The following TARS2 variants were observed in gnomAD, a reference collection of about 807,000 sequenced individuals.
TARS2 encodes the protein threonine--tRNA ligase, mitochondrial.
A neutral mutation model predicts 94.4 loss-of-function variants in TARS2; 61 were observed. The ratio of observed to expected loss-of-function variants is 0.65; its 90% CI spans 0.53 to 0.80. The LOEUF is 0.80. Ranked by LOEUF, TARS2 falls within the 30% of genes least tolerant of loss-of-function variation. The probability of loss-of-function intolerance (pLI) is 0.00; values close to 1 mark genes in which losing one functional copy is unlikely to be tolerated. For synonymous variants in TARS2, 359 were observed against 353.4 expected (o/e 1.02, Z -0.18); for missense variants, 704 against 902.5 (o/e 0.78, Z 2.82).
chr1:150,501,267 G>C (rs980669374), intron 13 of TARS2, among the ~76,000 whole-genome samples: 2 of 147,376 alleles, frequency 1.4e-5, no homozygotes, highest in East Asian at 3.9e-4. Flanking sequence ...ATAGTAACAG[G>C]GCATCATAAT....
Position 150,497,547 on chromosome 1 carries a change from T to C in TARS2, c.1038T>C (p.Arg346=). Residue 346 remains arginine (R), a synonymous_variant, in exon 10 of 18, where the codon CGT becomes CGC. Transcript: ENST00000369064. ...VAFIRAEYAH[R]GFSEVKTPTL... ...CTCTCCAGGCTGAGTATGCCCATCG[T>C]GGTTTCTCCGAGGTGAAAACTCCCA... The C allele has an allele frequency of 6.2e-7, 1 of 1,614,118 alleles. No individual in the cohort carries two copies. Among genetic ancestry groups the C allele is most frequent in the Non-Finnish European group, 8.5e-7 (1 of 1,180,020 alleles).
intron 14 of TARS2, 21 bp from the exon 15 acceptor site, chr1:150,504,611 C>T (rs745981486): frequency 7.5e-6 from 12 of 1,609,054 alleles, no homozygotes; most frequent in African/African-American, 1.3e-5. Context: ...TTCCATCCAC[C>T]CCCCCCTTTT....
intron 9 of TARS2, 151 bp from the exon 10 acceptor site, chr1:150,497,379 C>T: frequency 1.5e-6 from 1 of 657,672 alleles, no homozygotes; most frequent in South Asian, 1.9e-5. Context: ...GTGTGGTCTG[C>T]AGTCGGGGAG....
chr1:150,503,633 GTGTGTGTATATA>G (rs200224131), intron 13 of TARS2, among the ~76,000 whole-genome samples: 17,797 of 88,404 alleles, frequency 0.2, 1,766 homozygotes, highest in South Asian at 0.45. Flanking sequence ...GTGTATATAT[GTGTGTGTATATA>G]TGTGTGTATA....
rs781707849 is a variant in TARS2 at position 150,504,742 on chromosome 1, T to C, written c.1820+9T>C. 18 of 1,614,000 alleles carry C rather than the reference T, an allele frequency of 1.1e-5. No individual in the cohort carries two copies. The highest frequency in any genetic ancestry group is 1.7e-5 in the Admixed American group (1 of 59,992). ...AGCTGCGGGGGGAAATGGTGAGACC[T>C]CTGACCTGGATTTCTGTTCTGGCCC... On this transcript the variant is annotated intron_variant, in intron 15 of 17. Coordinates refer to ENST00000369064, the MANE Select transcript of TARS2 (RefSeq NM_025150.5).
In TARS2 at chr1:150,488,156, G is replaced by A. The variant is rs1189268892; in HGVS notation, c.263+102G>A. ...AACTTGGTCTGCTTGTTTCTGTTCC[G>A]TCCCCATTAAGATAGCCTTTCCTGA... On this transcript the variant is annotated intron_variant, in intron 2 of 17. Coordinates refer to ENST00000369064, the MANE Select transcript of TARS2 (RefSeq NM_025150.5). 1.3e-5 allele frequency: 18 copies of A among 1,343,372 alleles called. 1 individual carries two copies. Among genetic ancestry groups the A allele is most frequent in the South Asian group, 2.8e-5 (2 of 70,966 alleles). 83.2% of individuals were successfully genotyped at this position (1,343,372 alleles called of 1,614,324 possible). A position where few individuals can be genotyped will look rare whatever the true frequency, so the allele number is the denominator to read the frequency against.
intron 13 of TARS2, among the ~76,000 whole-genome samples, chr1:150,501,226 A>G (rs1290707436): frequency 6.7e-6 from 1 of 149,566 alleles, no homozygotes; most frequent in African/African-American, 2.5e-5. Context: ...TGATCACTTG[A>G]ATCCAGGAGT....
intron 13 of TARS2, among the ~76,000 whole-genome samples, chr1:150,500,034 G>T (rs950875427): frequency 6.6e-6 from 1 of 151,936 alleles, no homozygotes; most frequent in Non-Finnish European, 1.5e-5. Context: ...AATTAGCCGG[G>T]TGCAGTAGCT....
chr1:150,490,410 T>C (rs1669330825), intron 3 of TARS2, among the ~76,000 whole-genome samples, 191 bp from the exon 4 acceptor site: 1 of 152,146 alleles, frequency 6.6e-6, no homozygotes, highest in South Asian at 2.1e-4. Context: ...TGAGCTGCTG[T>C]GCCCAGCCTT....
At chr1:150,488,143 T>G in intron 2 of TARS2, 89 bp downstream of exon 2, 1 of 1,453,508 alleles carries the variant, frequency 6.9e-7, no homozygotes, top group Non-Finnish European at 9.3e-7. Context: ...CTTGGTCTGC[T>G]TGTTTCTGTT....
Position 150,497,628 on chromosome 1 carries a change from A to G in TARS2, c.1119A>G (p.Glu373=). Residue 373 remains glutamate (E), a synonymous_variant, in exon 10 of 18, where the codon GAA becomes GAG. Transcript: ENST00000369064. ...EQSGHWEHYQ[E]DMFAVQPPGS... Reference sequence around the variant, plus strand: ...CAGGGCACTGGGAGCATTATCAGGAAGACATGTTTGCCGTGCAGCCCCCAG... The same window carrying G: ...CAGGGCACTGGGAGCATTATCAGGAGGACATGTTTGCCGTGCAGCCCCCAG... 6.2e-7 allele frequency: 1 copy of G among 1,614,186 alleles called. No homozygotes were observed. Among genetic ancestry groups the G allele is most frequent in the Non-Finnish European group, 8.5e-7 (1 of 1,180,020 alleles).
intron 13 of TARS2, among the ~76,000 whole-genome samples, chr1:150,500,614 C>T (rs1034424661): frequency 1.5e-5 from 2 of 136,386 alleles, no homozygotes; most frequent in East Asian, 2.2e-4. Flanking sequence ...AGGCTGGGGG[C>T]GGTGGCTCAC....
intron 7 of TARS2, among the ~76,000 whole-genome samples, chr1:150,493,979 G>A (rs960211678): frequency 2.0e-5 from 3 of 151,776 alleles, no homozygotes; most frequent in South Asian, 2.1e-4. Flanking sequence ...CCCATGGCGC[G>A]GTGGCCTTGG....
chr1:150,504,259 G>T, intron 13 of TARS2, 76 bp from the exon 14 acceptor site: 1 of 1,427,242 alleles, frequency 7.0e-7, no homozygotes, highest in South Asian at 1.2e-5. Flanking sequence ...AGGGTGGGAT[G>T]GCACAGGTAA....
chr1:150,487,576 A>C, intron 1 of TARS2, 60 bp downstream of exon 1: 1 of 1,609,004 alleles, frequency 6.2e-7, no homozygotes, highest in South Asian at 1.1e-5. Context: ...CGAAGCCCCC[A>C]AATTTTTATG....
intron 13 of TARS2, among the ~76,000 whole-genome samples, chr1:150,504,100 A>G (rs1670087790): frequency 6.6e-6 from 1 of 152,060 alleles, no homozygotes; most frequent in Admixed American, 6.6e-5. Context: ...GGGTGTGGAC[A>G]TCAGGTAATA....
rs1366284305 is a variant in TARS2, at chr1:150,491,487, G to A, written c.606G>A (p.Arg202=). The change falls in exon 5 of 18, where the codon CGG becomes CGA. Residue 202 remains arginine, a synonymous_variant. Coordinates refer to ENST00000369064, the MANE Select transcript of TARS2 (RefSeq NM_025150.5). ...ARPFRRLEAS[R]DQLRQLFKDN... is the part of the protein sequence containing the mutation. ...CCTTCCGGAGGCTAGAGGCTTCACGGGATCAGCTTCGCCAGTTGTTCAAGG... is the reference window on the plus strand; with the variant it reads ...CCTTCCGGAGGCTAGAGGCTTCACGAGATCAGCTTCGCCAGTTGTTCAAGG... 1 of 1,614,056 alleles carries A rather than the reference G, an allele frequency of 6.2e-7. No individual in the cohort carries two copies. Among genetic ancestry groups the A allele is most frequent in the Non-Finnish European group, 8.5e-7 (1 of 1,180,038 alleles).
At chr1:150,503,585 A>G (rs12065540) in intron 13 of TARS2, among the ~76,000 whole-genome samples, 11,044 of 137,108 alleles carry the variant, frequency 0.081, 612 homozygotes, top group Non-Finnish European at 0.097. Context: ...GTGTATATAT[A>G]TGTGTGTGTG....
rs112650803 is a variant in TARS2 at position 150,507,375 on chromosome 1, C to T, written c.*311C>T. On this transcript the variant is annotated 3_prime_UTR_variant, in exon 18 of 18. Transcript: ENST00000369064. ...ATGAGGTCAGGAGATCAAGACCACC[C>T]TGGCTAACACGGTGAAACCCTGTCT... The T allele has an allele frequency of 3.5e-4, 77 of 219,054 alleles. No homozygotes were observed. Among genetic ancestry groups the T allele is most frequent in the Middle Eastern group, 1.9e-3 (1 of 520 alleles). 13.6% of individuals were successfully genotyped at this position (219,054 alleles called of 1,614,324 possible).
Sources: gnomAD v4.1 joint callset for allele counts (sites outside exome capture counted in the v4.1 genomes callset) on GRCh38, gnomAD v4.1.1 for gene constraint, MANE v1.5 for transcripts, NCBI Gene and HGNC (gene_info 2026-07-23, HGNC 2026-07-21) for gene names.